SETBP1: variants seen among roughly 807,000 people sequenced by gnomAD.
SETBP1 encodes the protein SET-binding protein.
In SETBP1, 9 loss-of-function variants were observed where a neutral mutation model predicts 101.0. That is an observed-to-expected ratio of 0.09 (90% CI 0.05 to 0.16). SETBP1 has a LOEUF of 0.16. SETBP1 is among the 10% of genes least tolerant of loss of function. The pLI, the probability that SETBP1 is intolerant of heterozygous loss-of-function variation, is 1.00. For missense variants in SETBP1, 1,858 were observed against 2,033.8 expected (o/e 0.91, Z 1.66); for synonymous variants, 818 against 788.5 (o/e 1.04, Z -0.63).
intron 2 of SETBP1, among the ~76,000 whole-genome samples, chr18:44,709,061 T>C (rs1369206660): frequency 3.3e-5 from 5 of 152,212 alleles, no homozygotes; most frequent in African/African-American, 9.7e-5. Flanking sequence ...ATTTTGGGAA[T>C]ATTTGGTTAT....
chr18:44,754,016 A>G (rs2070442041), intron 2 of SETBP1, among the ~76,000 whole-genome samples: 1 of 152,188 alleles, frequency 6.6e-6, no homozygotes, highest in Non-Finnish European at 1.5e-5. Flanking sequence ...ATTGCACTGT[A>G]ATACTCTCTC....
chr18:45,002,518 T>C (rs2072638981), intron 4 of SETBP1, among the ~76,000 whole-genome samples: 1 of 152,152 alleles, frequency 6.6e-6, no homozygotes, highest in African/African-American at 2.4e-5. Context: ...ATGGAACAGT[T>C]CTTTCATTCT....
At chr18:44,927,024 G>C (rs956327543) in intron 3 of SETBP1, among the ~76,000 whole-genome samples, 3 of 152,182 alleles carry the variant, frequency 2.0e-5, no homozygotes, top group Non-Finnish European at 4.4e-5. Flanking sequence ...GGGGTAGCTT[G>C]AGATTGGAGA....
At chr18:44,939,473 T>C (rs2071038706) in intron 3 of SETBP1, among the ~76,000 whole-genome samples, 1 of 152,200 alleles carries the variant, frequency 6.6e-6, no homozygotes, top group African/African-American at 2.4e-5. Context: ...CTGCCTTTGA[T>C]TGGCACCTGA....
chr18:44,930,375 A>G (rs983773563), intron 3 of SETBP1, among the ~76,000 whole-genome samples: 3 of 152,180 alleles, frequency 2.0e-5, no homozygotes, highest in African/African-American at 4.8e-5. Context: ...GATGTTCATC[A>G]GGGATATTGG....
chr18:44,950,247 A>T lies in SETBP1; in HGVS notation c.907A>T (p.Ser303Cys). 6.2e-7 allele frequency: 1 copy of T among 1,614,028 alleles called. No homozygotes were observed. ...CAGCCACAGCTCACCAGCCCCACCC[A>T]GCAGCTCTGCTGAGTGCAACGGGCT... ...PSSHSSPAPP[S>C]SSAECNGLQP... is the part of the protein sequence containing the mutation. Residue 303 changes from serine to cysteine, a missense_variant, in exon 4 of 6, where the codon AGC becomes TGC. Ser to Cys is a moderately radical substitution (Grantham distance 112). Coordinates refer to ENST00000649279, the MANE Select transcript of SETBP1 (RefSeq NM_015559.3).
chr18:44,734,629 C>A (rs575627117), intron 2 of SETBP1, among the ~76,000 whole-genome samples: 1 of 152,208 alleles, frequency 6.6e-6, no homozygotes, highest in African/African-American at 2.4e-5. Flanking sequence ...CTCTCTCTCC[C>A]TATCTAGTCA....
intron 2 of SETBP1, among the ~76,000 whole-genome samples, chr18:44,723,781 G>A (rs1299174157): frequency 6.6e-6 from 1 of 152,058 alleles, no homozygotes; most frequent in African/African-American, 2.4e-5. Flanking sequence ...GGTGGGGAGG[G>A]GAGAAAACAT....
chr18:44,745,458 C>T (rs1263466745), intron 2 of SETBP1, among the ~76,000 whole-genome samples: 1 of 152,050 alleles, frequency 6.6e-6, no homozygotes, highest in African/African-American at 2.4e-5. Context: ...GTCTCAAAGA[C>T]CCAGTTTCTT....
At chr18:44,739,752 A>G (rs1326564217) in intron 2 of SETBP1, among the ~76,000 whole-genome samples, 3 of 152,308 alleles carry the variant, frequency 2.0e-5, no homozygotes, top group East Asian at 3.9e-4. Flanking sequence ...AAAAACCAGT[A>G]TACTGGGTTA....
chr18:44,985,390 G>A (rs1266487391), intron 4 of SETBP1, among the ~76,000 whole-genome samples: 2 of 152,132 alleles, frequency 1.3e-5, no homozygotes, highest in African/African-American at 4.8e-5. Context: ...TTTCTCTGGA[G>A]CTATGCTATT....
At chr18:44,887,638 G>T (rs2069678690) in intron 3 of SETBP1, among the ~76,000 whole-genome samples, 1 of 152,150 alleles carries the variant, frequency 6.6e-6, no homozygotes, top group Non-Finnish European at 1.5e-5. Context: ...ACAGGCTCAG[G>T]CCAAGGGCCA....
At chr18:44,771,420 C>A (rs1191636301) in intron 2 of SETBP1, among the ~76,000 whole-genome samples, 1 of 151,694 alleles carries the variant, frequency 6.6e-6, no homozygotes, top group African/African-American at 2.4e-5. Flanking sequence ...GTTAGATGAG[C>A]AGCTAACATA....
intron 2 of SETBP1, among the ~76,000 whole-genome samples, chr18:44,822,947 C>T (rs2072147187): frequency 2.0e-5 from 3 of 152,148 alleles, no homozygotes; most frequent in Admixed American, 2.0e-4. Context: ...AGTTTGAGAC[C>T]AGCCTGGCCA....
At chr18:44,984,117 C>T (rs549690958) in intron 4 of SETBP1, among the ~76,000 whole-genome samples, 27 of 148,482 alleles carry the variant, frequency 1.8e-4, no homozygotes, top group African/African-American at 6.8e-4. Context: ...AGGAGAATTG[C>T]TTGCACCTGG....
At chr18:44,902,946 T>A (rs1020760890) in intron 3 of SETBP1, among the ~76,000 whole-genome samples, 5 of 152,090 alleles carry the variant, frequency 3.3e-5, no homozygotes, top group African/African-American at 1.2e-4. Context: ...TATATAATAT[T>A]TTTTTAAAAA....
At chr18:44,836,913 T>TA (rs1482961372) in intron 2 of SETBP1, among the ~76,000 whole-genome samples, 2 of 152,210 alleles carry the variant, frequency 1.3e-5, no homozygotes, top group East Asian at 1.9e-4. Context: ...CCCTGTCACT[T>TA]ACATCCCTAT....
At chr18:44,822,596 T>C (rs2072135514) in intron 2 of SETBP1, among the ~76,000 whole-genome samples, 1 of 152,232 alleles carries the variant, frequency 6.6e-6, no homozygotes, top group Admixed American at 6.5e-5. Context: ...TGCAACTCTT[T>C]GCAGCTCGTT....
intron 2 of SETBP1, among the ~76,000 whole-genome samples, chr18:44,846,661 C>G (rs560142988): frequency 3.3e-5 from 5 of 152,322 alleles, no homozygotes; most frequent in Admixed American, 2.6e-4. Flanking sequence ...ACCCATTGCT[C>G]TAGTAAACAG....
Sources: gnomAD v4.1 joint callset for allele counts (sites outside exome capture counted in the v4.1 genomes callset) on GRCh38, gnomAD v4.1.1 for gene constraint, MANE v1.5 for transcripts, NCBI Gene and HGNC (gene_info 2026-07-23, HGNC 2026-07-21) for gene names.